FER: variants seen among roughly 807,000 people sequenced by gnomAD.
The protein encoded by FER is FER tyrosine kinase.
Under a neutral mutation model 111.0 loss-of-function variants are expected in FER, and 63 were observed. That is an observed-to-expected ratio of 0.57 (90% CI 0.46 to 0.70). The LOEUF is 0.70. FER is among the 30% of genes least tolerant of loss of function. The pLI, the probability that FER is intolerant of heterozygous loss-of-function variation, is 0.00. For missense variants in FER, 914 were observed against 954.0 expected, an observed-to-expected ratio of 0.96 and a Z score of 0.55; for synonymous variants, 327 against 313.9, an observed-to-expected ratio of 1.04 and a Z score of -0.44.
chr5:109,046,823 G>A lies in FER; in HGVS notation c.1830-281G>A, dbSNP rs572965014. On this transcript the variant is annotated intron_variant, in intron 15 of 19. Coordinates refer to ENST00000281092, the MANE Select transcript of FER (RefSeq NM_005246.4). ...GATGGTTTAAAGTATATAAGAGGGT[G>A]CGTGTAGGTTGTATGCAAATATTGC... Among the ~76,000 whole-genome samples the A allele has an allele frequency of 2.0e-5, 3 of 152,232 alleles. No homozygotes were observed. In the South Asian group the frequency reaches 6.2e-4, roughly 32 times the overall value.
chr5:109,081,459 A>G (rs79532040), intron 16 of FER, among the ~76,000 whole-genome samples: 3,479 of 152,084 alleles, frequency 0.023, 56 homozygotes, highest in Non-Finnish European at 0.034. Context: ...ATGGCCAAAC[A>G]TTTTTCTGCT....
chr5:109,044,746 A>T lies in FER; in HGVS notation c.1780A>T (p.Lys594Ter), dbSNP rs755439964. 1 of 1,591,006 alleles carries T rather than the reference A, an allele frequency of 6.3e-7. No individual in the cohort carries two copies. Reference protein sequence around the residue: ...DKTSVAVKTCKEDLPQELKIK... With the variant: ...DKTSVAVKTC ...AACTTCTGTTGCTGTTAAAACATGT[A>T]AAGAAGATCTTCCTCAGGAATTGAA... The change falls in exon 15 of 20, where the codon AAA becomes TAA. Residue 594 changes from lysine to a stop codon, truncating the protein, a stop_gained. Transcript: ENST00000281092. LOFTEE classifies it high-confidence loss of function.
chr5:108,999,495 A>T (rs1459624077), intron 13 of FER, among the ~76,000 whole-genome samples: 1 of 152,170 alleles, frequency 6.6e-6, no homozygotes, highest in Non-Finnish European at 1.5e-5. Context: ...CACAAACAGA[A>T]CATACAGAAG....
chr5:108,792,781 A>T (rs1561426829), intron 2 of FER, among the ~76,000 whole-genome samples: 1 of 151,396 alleles, frequency 6.6e-6, no homozygotes, highest in African/African-American at 2.4e-5. Context: ...CAATGATGGT[A>T]TCTAGAAATA....
chr5:108,933,189 A>G (rs1374103300), intron 10 of FER, among the ~76,000 whole-genome samples: 1 of 152,008 alleles, frequency 6.6e-6, no homozygotes, highest in Non-Finnish European at 1.5e-5. Context: ...CCTGAATGGT[A>G]TTGCCTAGGT....
chr5:108,959,666 A>C (rs551239818), intron 13 of FER, among the ~76,000 whole-genome samples: 1 of 152,142 alleles, frequency 6.6e-6, no homozygotes, highest in Admixed American at 6.5e-5. Context: ...AGGTTATAAC[A>C]GATTCTAAGT....
chr5:108,801,695 T>TC (rs1756666784), intron 3 of FER, among the ~76,000 whole-genome samples: 1 of 152,246 alleles, frequency 6.6e-6, no homozygotes, highest in African/African-American at 2.4e-5. Flanking sequence ...GATAGAAGAT[T>TC]CATTCTTACT....
At chr5:108,887,088 T>G (rs1254967929) in intron 9 of FER, among the ~76,000 whole-genome samples, 3 of 151,752 alleles carry the variant, frequency 2.0e-5, no homozygotes, top group African/African-American at 7.2e-5. Flanking sequence ...TTACATTATC[T>G]TTACTTCTCA....
intron 16 of FER, among the ~76,000 whole-genome samples, chr5:109,077,827 A>C (rs564202414): frequency 4.6e-5 from 7 of 152,318 alleles, no homozygotes; most frequent in African/African-American, 1.7e-4. Flanking sequence ...TTTAAATTGG[A>C]CAAAGCATTA....
chr5:108,774,993 C>T (rs1474376281), intron 2 of FER, among the ~76,000 whole-genome samples: 1 of 152,056 alleles, frequency 6.6e-6, no homozygotes, highest in Non-Finnish European at 1.5e-5. Flanking sequence ...ATGATTTTGT[C>T]TAGGTTTTCT....
intron 5 of FER, among the ~76,000 whole-genome samples, chr5:108,852,285 G>C (rs1310852863): frequency 1.3e-5 from 2 of 152,110 alleles, no homozygotes; most frequent in Non-Finnish European, 2.9e-5. Context: ...AAATTGATTA[G>C]ATCTGTTGAG....
intron 16 of FER, among the ~76,000 whole-genome samples, chr5:109,090,659 G>A (rs1778069464): frequency 6.6e-6 from 1 of 152,098 alleles, no homozygotes; most frequent in South Asian, 2.1e-4. Flanking sequence ...AAAGAATTAA[G>A]CAGAAGTTCT....
intron 3 of FER, chr5:108,830,899 A>G (rs991270878): frequency 6.6e-6 from 1 of 152,288 alleles, no homozygotes; most frequent in Admixed American, 6.5e-5. Flanking sequence ...GATAAGAGGT[A>G]TGAAGAGTTT....
chr5:108,972,217 G>A (rs1561699268), intron 13 of FER, among the ~76,000 whole-genome samples: 1 of 151,910 alleles, frequency 6.6e-6, no homozygotes, highest in Non-Finnish European at 1.5e-5. Context: ...TCAGAATGGA[G>A]GGACAGATGA....
intron 1 of FER, among the ~76,000 whole-genome samples, chr5:108,761,732 A>G (rs1025710959): frequency 6.6e-6 from 1 of 152,176 alleles, no homozygotes; most frequent in African/African-American, 2.4e-5. Flanking sequence ...AGTGCAATAA[A>G]ACAAGATATA....
intron 2 of FER, among the ~76,000 whole-genome samples, chr5:108,793,774 CT>C (rs1169352860): frequency 7.1e-6 from 1 of 141,032 alleles, no homozygotes; most frequent in Non-Finnish European, 1.5e-5. Flanking sequence ...CTTAATTTTA[CT>C]TTTTTTGTAT....
At chr5:108,804,289 G>A (rs1435499474) in intron 3 of FER, among the ~76,000 whole-genome samples, 2 of 152,130 alleles carry the variant, frequency 1.3e-5, no homozygotes, top group Non-Finnish European at 2.9e-5. Flanking sequence ...AAGAGAGATA[G>A]TTTGACTTCT....
At chr5:108,784,450 G>T in intron 2 of FER, 1 of 154,088 alleles carries the variant, frequency 6.5e-6, no homozygotes, top group South Asian at 2.0e-4. Flanking sequence ...ACAACCAGCA[G>T]ATTGTCTGTG....
chr5:108,766,173 C>A (rs993035761), intron 1 of FER, among the ~76,000 whole-genome samples: 1 of 152,174 alleles, frequency 6.6e-6, no homozygotes, highest in Non-Finnish European at 1.5e-5. Flanking sequence ...CTCAAGTGAT[C>A]CTCCTGCCTT....
Sources: allele counts gnomAD v4.1 joint callset (sites outside exome capture counted in the v4.1 genomes callset), GRCh38; gene constraint gnomAD v4.1.1; transcripts MANE v1.5; gene names NCBI Gene and HGNC (gene_info 2026-07-23, HGNC 2026-07-21).